PTPRG: variants seen among roughly 807,000 people sequenced by gnomAD.
PTPRG encodes receptor-type tyrosine-protein phosphatase gamma.
A neutral mutation model predicts 165.3 loss-of-function variants in PTPRG; 102 were observed. The observed-to-expected ratio is 0.62, with a 90% CI of 0.53 to 0.73. The LOEUF (loss-of-function observed/expected upper bound fraction) is 0.73. PTPRG is among the 30% of genes least tolerant of loss of function. PTPRG has a pLI of 0.00. For synonymous variants in PTPRG, 675 were observed against 669.5 expected, an observed-to-expected ratio of 1.01 and a Z score of -0.13; for missense variants, 1,866 against 1,861.4, an observed-to-expected ratio of 1.00 and a Z score of -0.05.
At chr3:62,279,137 C>A (rs898870534) in intron 26 of PTPRG, among the ~76,000 whole-genome samples, 1 of 151,998 alleles carries the variant, frequency 6.6e-6, no homozygotes, top group Non-Finnish European at 1.5e-5. Flanking sequence ...ATTGATATCT[C>A]TGAGTTCTTT....
intron 7 of PTPRG, among the ~76,000 whole-genome samples, chr3:62,162,837 C>G (rs1704820081): frequency 6.6e-6 from 1 of 152,210 alleles, no homozygotes; most frequent in African/African-American, 2.4e-5. Context: ...TAGAGTCACA[C>G]AGACCTGCTA....
At chr3:62,016,929 C>T (rs2041559309) in intron 4 of PTPRG, among the ~76,000 whole-genome samples, 1 of 152,198 alleles carries the variant, frequency 6.6e-6, no homozygotes, top group East Asian at 1.9e-4. Context: ...AAGTCACTTT[C>T]TTTTCTATTA....
intron 4 of PTPRG, among the ~76,000 whole-genome samples, chr3:62,054,795 G>A (rs1202377411): frequency 6.6e-6 from 1 of 152,210 alleles, no homozygotes. Flanking sequence ...TATGTGACAG[G>A]GAATTCAAAG....
intron 2 of PTPRG, among the ~76,000 whole-genome samples, chr3:61,843,328 A>G (rs756078511): frequency 1.3e-5 from 2 of 152,216 alleles, no homozygotes; most frequent in African/African-American, 2.4e-5. Flanking sequence ...GGTACTGCCA[A>G]TATAGATTAT....
rs185558508 is a variant in PTPRG, at chr3:62,175,086, T to G, written c.1033+6923T>G. 2.0e-3 allele frequency among the ~76,000 whole-genome samples: 309 copies of G among 152,370 alleles called. 1 individual carries two copies. The highest frequency in any genetic ancestry group is 3.2e-3 in the Non-Finnish European group (221 of 68,044). ...CCTGCCATATTATATCCAACATTTTTAAATGCTCAGACATTTCATGATTAC... is the reference window on the plus strand; with the variant it reads ...CCTGCCATATTATATCCAACATTTTGAAATGCTCAGACATTTCATGATTAC... On this transcript the variant is annotated intron_variant, in intron 8 of 29. Coordinates refer to ENST00000474889, the MANE Select transcript of PTPRG (RefSeq NM_002841.4).
rs1421064055 is a variant in PTPRG at position 62,020,371 on chromosome 3, C to A, written c.519+16874C>A. Among the ~76,000 whole-genome samples the A allele has an allele frequency of 3.9e-5, 6 of 151,928 alleles. 1 individual carries two copies. The highest frequency in any genetic ancestry group is 1.5e-4 in the African/African-American group (6 of 41,350). On this transcript the variant is annotated intron_variant, in intron 4 of 29. Coordinates refer to ENST00000474889, the MANE Select transcript of PTPRG (RefSeq NM_002841.4). ...TCTCATTTAATGTCATTTCTAAGAC[C>A]TTATTTTTGTAAGCTAGAACAAGTA...
intron 2 of PTPRG, among the ~76,000 whole-genome samples, chr3:61,938,116 T>C (rs1266341398): frequency 2.6e-5 from 4 of 152,078 alleles, no homozygotes. Context: ...TAAAAAATAC[T>C]CTTCCTTTGC....
At chr3:61,586,089 CTTTTT>C (rs547804603) in intron 1 of PTPRG, among the ~76,000 whole-genome samples, 1 of 152,098 alleles carries the variant, frequency 6.6e-6, no homozygotes, top group African/African-American at 2.4e-5. Context: ...TCTGCTTTTT[CTTTTT>C]TATTTTTTGC....
chr3:62,094,904 A>T (rs757844741), intron 5 of PTPRG, among the ~76,000 whole-genome samples: 121 of 152,336 alleles, frequency 7.9e-4, no homozygotes, highest in African/African-American at 2.9e-3. Context: ...CCACATCAGG[A>T]AGGCTGCGAC....
chr3:61,910,714 G>C (rs2038779923), intron 2 of PTPRG, among the ~76,000 whole-genome samples: 1 of 152,138 alleles, frequency 6.6e-6, no homozygotes, highest in South Asian at 2.1e-4. Flanking sequence ...ACAATCCAAG[G>C]CTGTCATTTT....
intron 4 of PTPRG, among the ~76,000 whole-genome samples, chr3:62,077,619 G>A (rs894307927): frequency 6.6e-6 from 1 of 152,124 alleles, no homozygotes; most frequent in Non-Finnish European, 1.5e-5. Flanking sequence ...ATTTTGGGTG[G>A]CATGAATGCA....
Position 61,582,769 on chromosome 3 carries a change from A to C in PTPRG, c.85+20397A>C, listed in dbSNP as rs180949651. On this transcript the variant is annotated intron_variant, in intron 1 of 29. Transcript: ENST00000474889. Reference sequence around the variant, plus strand: ...GAGTTTCCTCTTGTACATTATTGCAAGGAAGATAATGGATTCAAGTCAACT... The same window carrying C: ...GAGTTTCCTCTTGTACATTATTGCACGGAAGATAATGGATTCAAGTCAACT... Among the ~76,000 whole-genome samples the C allele has an allele frequency of 2.0e-3, 305 of 152,288 alleles. 7 individuals carry two copies. The East Asian group carries it at 0.037, about 19-fold the overall frequency.
chr3:61,840,778 G>GTTTTTTTTTTTTTTTTT (rs1421518243), intron 2 of PTPRG, among the ~76,000 whole-genome samples: 11 of 106,180 alleles, frequency 1.0e-4, no homozygotes, highest in African/African-American at 4.9e-4. Flanking sequence ...TTTTTTGTTT[G>GTTTTTTTTTTTTTTTTT]TTTGTTTTTT....
At chr3:62,287,228 A>T (rs1393074078) in intron 28 of PTPRG, among the ~76,000 whole-genome samples, 1 of 152,188 alleles carries the variant, frequency 6.6e-6, no homozygotes, top group Non-Finnish European at 1.5e-5. Context: ...CAGATTAAAC[A>T]AATGTTAAAT....
intron 2 of PTPRG, among the ~76,000 whole-genome samples, chr3:61,962,197 A>T: frequency 6.6e-6 from 1 of 152,232 alleles, no homozygotes; most frequent in East Asian, 1.9e-4. Context: ...TATGTTTAAC[A>T]TTGTGGAAGA....
At chr3:61,702,111 T>C (rs922081520) in intron 1 of PTPRG, among the ~76,000 whole-genome samples, 1 of 152,152 alleles carries the variant, frequency 6.6e-6, no homozygotes, top group Non-Finnish European at 1.5e-5. Context: ...CTGGGGTAGC[T>C]AGGAGTATAG....
intron 5 of PTPRG, among the ~76,000 whole-genome samples, chr3:62,125,082 AG>A (rs1267206343): frequency 2.0e-5 from 3 of 152,178 alleles, no homozygotes; most frequent in African/African-American, 4.8e-5. Context: ...ATTTGAGCTG[AG>A]GGCCCCTAGC....
intron 5 of PTPRG, among the ~76,000 whole-genome samples, chr3:62,129,031 C>T (rs938196147): frequency 1.3e-5 from 2 of 152,114 alleles, no homozygotes; most frequent in Non-Finnish European, 2.9e-5. Flanking sequence ...TCCATTTTCT[C>T]TCCTTTTCTC....
intron 2 of PTPRG, among the ~76,000 whole-genome samples, chr3:61,794,752 C>G (rs1007791540): frequency 6.6e-6 from 1 of 152,048 alleles, no homozygotes; most frequent in Non-Finnish European, 1.5e-5. Context: ...CGTTTGAAAG[C>G]TGGTGTTTTT....
Sources: gnomAD v4.1 joint callset for allele counts (sites outside exome capture counted in the v4.1 genomes callset) on GRCh38, gnomAD v4.1.1 for gene constraint, MANE v1.5 for transcripts, NCBI Gene and HGNC (gene_info 2026-07-23, HGNC 2026-07-21) for gene names.